The following GPR20 variants were observed in gnomAD, a reference collection of about 807,000 sequenced individuals.
The protein encoded by GPR20 is G protein-coupled receptor 20.
For missense variants in GPR20, 494 were observed against 527.4 expected, an observed-to-expected ratio of 0.94 and a Z score of 0.62; for synonymous variants, 241 against 241.9, an observed-to-expected ratio of 1.00 and a Z score of 0.04.
In GPR20 at chr8:141,356,816, T is replaced by A. The variant is rs368201547; in HGVS notation, c.*31A>T. ...CACGCTGGCATGCCCAGATGAGTCC[T>A]GACCTTCGGCCCCTGGCAGAGCCCT... On this transcript the variant is annotated 3_prime_UTR_variant, in exon 2 of 2. Coordinates refer to ENST00000377741, the MANE Select transcript of GPR20 (RefSeq NM_005293.3). 5.3e-6 allele frequency: 8 copies of A among 1,506,340 alleles called. No individual in the cohort carries two copies. The highest frequency in any genetic ancestry group is 1.9e-5 in the Admixed American group (1 of 53,244). The allele number at this position is 1,506,340 out of a possible 1,614,324, so 93.3% of individuals were successfully genotyped here.
chr8:141,361,808 G>A (rs1465695765), intron 1 of GPR20, among the ~76,000 whole-genome samples: 2 of 143,262 alleles, frequency 1.4e-5, no homozygotes, highest in African/African-American at 2.8e-5. Context: ...GGTGTGCTGC[G>A]GCATCTCTTT....
Position 141,356,807 on chromosome 8 carries a change from G to C in GPR20, c.*40C>G, listed in dbSNP as rs972965917. On this transcript the variant is annotated 3_prime_UTR_variant, in exon 2 of 2. Transcript: ENST00000377741. ...GTGGGTGTCCACGCTGGCATGCCCA[G>C]ATGAGTCCTGACCTTCGGCCCCTGG... is the stretch of plus-strand genomic sequence containing the variant. 1.0e-5 allele frequency: 15 copies of C among 1,436,354 alleles called. No individual in the cohort carries two copies. The Admixed American group carries it at 2.5e-4, about 24-fold the overall frequency. 89.0% of individuals were successfully genotyped at this position (1,436,354 alleles called of 1,614,324 possible). A position where few individuals can be genotyped will look rare whatever the true frequency, so the allele number is the denominator to read the frequency against.
At chr8:141,366,550 G>T (rs773112712) in intron 1 of GPR20, among the ~76,000 whole-genome samples, 32 of 152,222 alleles carry the variant, frequency 2.1e-4, no homozygotes, top group Admixed American at 1.6e-3. Context: ...CACACTGAGG[G>T]CTGGCAAGCA....
At position 141,357,245 on chromosome 8, in the gene GPR20, C is replaced by T. The variant is rs1425591827; in HGVS notation, c.679G>A (p.Gly227Ser). Residue 227 changes from glycine (G) to serine (S), a missense_variant, in exon 2 of 2, where the codon GGT (glycine) becomes AGT (serine). By Grantham distance (56) the Gly-to-Ser change is moderately conservative. Coordinates refer to ENST00000377741, the MANE Select transcript of GPR20 (RefSeq NM_005293.3). ...GRIMCALSRP[G>S]LLHQGRQRRV... ...CGCTGGCGACCCTGGTGGAGCAGAC[C>T]CGGCCGCGACAGTGCACACATGATG... 2 of 1,546,024 alleles carry T rather than the reference C, an allele frequency of 1.3e-6. No individual in the cohort carries two copies. Among genetic ancestry groups the T allele is most frequent in the Non-Finnish European group, 8.7e-7 (1 of 1,149,604 alleles).
intron 1 of GPR20, among the ~76,000 whole-genome samples, chr8:141,361,551 C>T (rs1452464295): frequency 1.3e-5 from 2 of 152,144 alleles, no homozygotes; most frequent in African/African-American, 4.8e-5. Context: ...AAGCTGCCAG[C>T]GGGGGACCCA....
At chr8:141,360,173 A>G (rs1408681786) in intron 1 of GPR20, among the ~76,000 whole-genome samples, 1 of 152,206 alleles carries the variant, frequency 6.6e-6, no homozygotes, top group East Asian at 1.9e-4. Context: ...TGGACACCCC[A>G]GAGGCCAGAC....
rs762006926 is a variant in GPR20, at chr8:141,357,703, G to A, written c.221C>T (p.Ala74Val). 7.4e-5 allele frequency: 119 copies of A among 1,613,374 alleles called. No homozygotes were observed. The highest frequency in any genetic ancestry group is 2.7e-4 in the Admixed American group (16 of 60,010). ...GGTGCGGCAGCAGAAGACGTACAGC[G>A]CCAGCCCGTTGAGCACCAGCCCTGC... ...FLAGLVLNGLALYVFCCRTRA... is the reference protein window; with the variant it reads ...FLAGLVLNGLVLYVFCCRTRA... The change falls in exon 2 of 2, where the codon GCG becomes GTG. Residue 74 changes from alanine to valine, a missense_variant. Ala to Val is a moderately conservative substitution (Grantham distance 64). Coordinates refer to ENST00000377741, the MANE Select transcript of GPR20 (RefSeq NM_005293.3).
intron 1 of GPR20, among the ~76,000 whole-genome samples, chr8:141,361,678 C>G (rs1167411276): frequency 6.6e-6 from 1 of 152,166 alleles, no homozygotes; most frequent in African/African-American, 2.4e-5. Context: ...TGGGTGGGTC[C>G]TCTCTGAGCC....
At chr8:141,366,918 G>T (rs1831821681) in intron 1 of GPR20, among the ~76,000 whole-genome samples, 1 of 152,252 alleles carries the variant, frequency 6.6e-6, no homozygotes, top group African/African-American at 2.4e-5. Flanking sequence ...GAAATCCAGA[G>T]TTGGGTGGGC....
In GPR20 at chr8:141,367,194, A is replaced by T. The variant is rs1831826649; in HGVS notation, c.-25+7T>A. 1 of 152,170 alleles carries T rather than the reference A, an allele frequency of 6.6e-6. No individual in the cohort carries two copies. The highest frequency in any genetic ancestry group is 6.5e-5 in the Admixed American group (1 of 15,272). The allele number at this position is 152,170 out of a possible 1,614,324, so 9.4% of individuals were successfully genotyped here. ...GGAGGCTGGGGCCAGCCCACAGGGG[A>T]ACTTACCGCGCTTCACCCGGGCAGG... On this transcript the variant is annotated splice_region_variant and intron_variant, in intron 1 of 1. Coordinates refer to ENST00000377741, the MANE Select transcript of GPR20 (RefSeq NM_005293.3).
intron 1 of GPR20, among the ~76,000 whole-genome samples, chr8:141,362,198 C>T (rs983942716): frequency 6.6e-6 from 1 of 152,216 alleles, no homozygotes; most frequent in African/African-American, 2.4e-5. Flanking sequence ...TGCTCTCTCC[C>T]TTTCGGCTTA....
intron 1 of GPR20, among the ~76,000 whole-genome samples, chr8:141,366,177 C>T (rs1162308257): frequency 2.6e-5 from 4 of 152,256 alleles, no homozygotes; most frequent in Admixed American, 6.5e-5. Context: ...GCTCTCCAGC[C>T]GCAGACCCCG....
intron 1 of GPR20, among the ~76,000 whole-genome samples, chr8:141,362,914 G>C (rs1409648318): frequency 6.6e-6 from 1 of 152,024 alleles, no homozygotes; most frequent in African/African-American, 2.4e-5. Context: ...TGCCACACCT[G>C]GGTAATTTTT....
At chr8:141,358,019 A>C in intron 1 of GPR20, 72 bp from the exon 2 acceptor site, 1 of 744,300 alleles carries the variant, frequency 1.3e-6, no homozygotes, top group Non-Finnish European at 2.1e-6. Flanking sequence ...CCCAGAACTC[A>C]GCTGGCCCGT....
chr8:141,359,445 C>T (rs1831700982), intron 1 of GPR20, among the ~76,000 whole-genome samples: 1 of 152,206 alleles, frequency 6.6e-6, no homozygotes, highest in Non-Finnish European at 1.5e-5. Flanking sequence ...CTCTGGGACC[C>T]CAGCCCTGGG....
rs1216378399 is a variant in GPR20 at position 141,357,386 on chromosome 8, C to T, written c.538G>A (p.Ala180Thr). 1 of 1,578,160 alleles carries T rather than the reference C, an allele frequency of 6.3e-7. No individual in the cohort carries two copies. Among genetic ancestry groups the T allele is most frequent in the Non-Finnish European group, 8.6e-7 (1 of 1,165,430 alleles). ...ACGCCCAGCACCGACAGGGTGACGG[C>T]ACCGGCGGCCAGCCACACGAAGGCG... The part of the protein sequence containing the change: ...VCAFVWLAAG[A>T]VTLSVLGVTG... The change falls in exon 2 of 2, where the codon GCC (alanine) becomes ACC (threonine). Residue 180 changes from alanine (A) to threonine (T), a missense_variant. Physicochemically the swap from Ala to Thr is moderately conservative, Grantham distance 58. Coordinates refer to ENST00000377741, the MANE Select transcript of GPR20 (RefSeq NM_005293.3).
intron 1 of GPR20, among the ~76,000 whole-genome samples, chr8:141,366,231 C>T (rs1055052541): frequency 2.0e-5 from 3 of 152,232 alleles, no homozygotes; most frequent in Non-Finnish European, 2.9e-5. Context: ...AGAGGGGCAG[C>T]GACTTGCCAC....
At chr8:141,360,185 G>A (rs1479937405) in intron 1 of GPR20, among the ~76,000 whole-genome samples, 3 of 152,194 alleles carry the variant, frequency 2.0e-5, no homozygotes, top group Non-Finnish European at 4.4e-5. Context: ...AGGCCAGACC[G>A]GAGAGGAGAG....
In GPR20 at chr8:141,357,920, G is replaced by T. The variant is rs753141338; in HGVS notation, c.4C>A (p.Pro2Thr). Residue 2 changes from proline to threonine, a missense_variant, in exon 2 of 2, where the codon CCC (proline) becomes ACC (threonine). By Grantham distance (38) the Pro-to-Thr change is conservative (BLOSUM62 -1). Coordinates refer to ENST00000377741, the MANE Select transcript of GPR20 (RefSeq NM_005293.3). Reference sequence around the variant, plus strand: ...GAGGGCCCCGCTGGAGACACAGAGGGCATGACGGCAGCCAGCACACCCCAG... The same window carrying T: ...GAGGGCCCCGCTGGAGACACAGAGGTCATGACGGCAGCCAGCACACCCCAG... The part of the protein sequence containing the change: M[P>T]SVSPAGPSAG... 2.0e-5 allele frequency: 30 copies of T among 1,534,742 alleles called. No individual in the cohort carries two copies. Among genetic ancestry groups the T allele is most frequent in the Non-Finnish European group, 2.6e-5 (30 of 1,132,652 alleles).
Sources: allele counts gnomAD v4.1 joint callset (sites outside exome capture counted in the v4.1 genomes callset), GRCh38; gene constraint gnomAD v4.1.1; transcripts MANE v1.5; gene names NCBI Gene and HGNC (gene_info 2026-07-23, HGNC 2026-07-21).